The following KIAA1328 variants were observed in gnomAD, a reference collection of about 807,000 sequenced individuals.
The protein encoded by KIAA1328 is protein hinderin.
KIAA1328 carries 52 observed loss-of-function variants against 68.1 expected under a neutral mutation model. The observed-to-expected ratio is 0.76, with a 90% CI of 0.61 to 0.96. The LOEUF (loss-of-function observed/expected upper bound fraction) is 0.96. Ranked by LOEUF, KIAA1328 falls within the 40% of genes least tolerant of loss-of-function variation. KIAA1328 has a pLI of 0.00. For synonymous variants in KIAA1328, 232 were observed against 239.4 expected (o/e 0.97, Z 0.28); for missense variants, 641 against 677.6 (o/e 0.95, Z 0.60).
chr18:37,213,889 C>T (rs2060369976), intron 9 of KIAA1328, among the ~76,000 whole-genome samples: 1 of 152,154 alleles, frequency 6.6e-6, no homozygotes, highest in African/African-American at 2.4e-5. Flanking sequence ...TTGCATTTAT[C>T]TGATAACCAG....
intron 4 of KIAA1328, among the ~76,000 whole-genome samples, chr18:36,870,414 C>G (rs992923861): frequency 1.3e-5 from 2 of 152,020 alleles, no homozygotes; most frequent in African/African-American, 4.8e-5. Flanking sequence ...TGAAATATAA[C>G]TTTTCTAATT....
At chr18:36,887,724 A>C (rs1212117667) in intron 5 of KIAA1328, among the ~76,000 whole-genome samples, 1 of 152,246 alleles carries the variant, frequency 6.6e-6, no homozygotes, top group Non-Finnish European at 1.5e-5. Context: ...AGAAGGCAGC[A>C]CTGGAGAAGA....
At chr18:37,043,483 C>A (rs1028835488) in intron 6 of KIAA1328, among the ~76,000 whole-genome samples, 75 of 152,120 alleles carry the variant, frequency 4.9e-4, no homozygotes, top group African/African-American at 1.8e-3. Context: ...AACATATGTC[C>A]ACTGATGTCA....
At chr18:36,863,935 G>C (rs1439876643) in intron 4 of KIAA1328, among the ~76,000 whole-genome samples, 1 of 152,032 alleles carries the variant, frequency 6.6e-6, no homozygotes, top group African/African-American at 2.4e-5. Flanking sequence ...CTTTTATGTA[G>C]ACTATCATGT....
chr18:37,073,415 C>T (rs1017113535), intron 7 of KIAA1328, among the ~76,000 whole-genome samples: 1 of 152,184 alleles, frequency 6.6e-6, no homozygotes, highest in South Asian at 2.1e-4. Flanking sequence ...AAAAAAAGCT[C>T]AACATCATAT....
rs2056364877 is a variant in KIAA1328, at chr18:37,067,083, A to T, written c.770A>T (p.Asp257Val). 1 of 1,613,892 alleles carries T rather than the reference A, an allele frequency of 6.2e-7. No individual in the cohort carries two copies. Among genetic ancestry groups the T allele is most frequent in the African/African-American group, 1.3e-5 (1 of 74,936 alleles). ...LKPVTLHHPK[D>V]DLDKIPSETT... ...CCAGTAACCCTTCATCATCCCAAAGATGATCTAGATAAGATACCATCAGAG... is the reference window on the plus strand; with the variant it reads ...CCAGTAACCCTTCATCATCCCAAAGTTGATCTAGATAAGATACCATCAGAG... The change falls in exon 7 of 10, where the codon GAT becomes GTT. Residue 257 changes from aspartate to valine, a missense_variant. By Grantham distance (152) the Asp-to-Val change is radical. Coordinates refer to ENST00000280020, the MANE Select transcript of KIAA1328 (RefSeq NM_020776.3).
intron 6 of KIAA1328, among the ~76,000 whole-genome samples, chr18:37,055,893 T>C (rs1166777182): frequency 1.3e-5 from 2 of 152,194 alleles, no homozygotes; most frequent in African/African-American, 4.8e-5. Context: ...AGAGAATGAA[T>C]AGCAATAAGA....
At chr18:36,911,856 G>A (rs774927178) in intron 5 of KIAA1328, among the ~76,000 whole-genome samples, 8 of 152,078 alleles carry the variant, frequency 5.3e-5, no homozygotes, top group South Asian at 4.1e-4. Context: ...ACAGTGCCTG[G>A]TGTGGCATAA....
chr18:36,922,844 G>A (rs1000584135), intron 5 of KIAA1328, among the ~76,000 whole-genome samples: 6 of 151,866 alleles, frequency 4.0e-5, no homozygotes, highest in Non-Finnish European at 7.4e-5. Flanking sequence ...ATTTTTTTTC[G>A]TAGTAGGGAT....
intron 5 of KIAA1328, among the ~76,000 whole-genome samples, chr18:36,954,666 C>T (rs1432282395): frequency 1.4e-5 from 2 of 143,642 alleles, no homozygotes; most frequent in African/African-American, 2.6e-5. Flanking sequence ...AGTTTGCTTT[C>T]TTCTGTAAAG....
At chr18:37,048,154 C>G (rs2055551180) in intron 6 of KIAA1328, among the ~76,000 whole-genome samples, 2 of 152,128 alleles carry the variant, frequency 1.3e-5, no homozygotes, top group African/African-American at 2.4e-5. Context: ...AATAAGCGAA[C>G]AGAAGGAAAA....
intron 6 of KIAA1328, among the ~76,000 whole-genome samples, chr18:37,044,262 A>G (rs2055373581): frequency 6.6e-6 from 1 of 152,120 alleles, no homozygotes; most frequent in Non-Finnish European, 1.5e-5. Flanking sequence ...TAAGATTTAT[A>G]GTGGTAGTTC....
At chr18:37,080,424 A>G (rs1326820983) in intron 7 of KIAA1328, among the ~76,000 whole-genome samples, 1 of 152,174 alleles carries the variant, frequency 6.6e-6, no homozygotes, top group Non-Finnish European at 1.5e-5. Flanking sequence ...AGCCTTTGTG[A>G]AGGAAATATA....
chr18:37,192,330 A>G (rs1225804487), intron 9 of KIAA1328, among the ~76,000 whole-genome samples: 3 of 152,178 alleles, frequency 2.0e-5, no homozygotes, highest in Non-Finnish European at 4.4e-5. Flanking sequence ...ATAGAACACT[A>G]CCATTCTATT....
chr18:36,868,503 T>A (rs2047831554), intron 4 of KIAA1328, among the ~76,000 whole-genome samples: 1 of 152,186 alleles, frequency 6.6e-6, no homozygotes, highest in Non-Finnish European at 1.5e-5. Flanking sequence ...ACGCTGATAA[T>A]TCTCTATACA....
chr18:36,846,110 T>C (rs1463176171), intron 4 of KIAA1328, among the ~76,000 whole-genome samples: 1 of 151,684 alleles, frequency 6.6e-6, no homozygotes, highest in East Asian at 1.9e-4. Context: ...TACTTTTGTC[T>C]ACTCATACTT....
intron 4 of KIAA1328, among the ~76,000 whole-genome samples, chr18:36,846,289 T>C (rs1159895122): frequency 6.6e-6 from 1 of 151,590 alleles, no homozygotes; most frequent in Non-Finnish European, 1.5e-5. Context: ...CTTACGTCTC[T>C]TTTATCTTAA....
At chr18:36,992,250 T>C (rs1013004241) in intron 6 of KIAA1328, among the ~76,000 whole-genome samples, 3 of 152,204 alleles carry the variant, frequency 2.0e-5, no homozygotes, top group African/African-American at 4.8e-5. Context: ...ATGGAATTTT[T>C]AATTTAATGG....
intron 1 of KIAA1328, 130 bp downstream of exon 1, chr18:36,829,326 G>C: frequency 2.1e-6 from 3 of 1,400,712 alleles, no homozygotes; most frequent in East Asian, 5.9e-5. Flanking sequence ...CGTGCTGCTC[G>C]GCCCCAGTCT....
Sources: allele counts gnomAD v4.1 joint callset (sites outside exome capture counted in the v4.1 genomes callset), GRCh38; gene constraint gnomAD v4.1.1; transcripts MANE v1.5; gene names NCBI Gene and HGNC (gene_info 2026-07-23, HGNC 2026-07-21).